Variants in ARHGEF4 observed in about 807,000 individuals in gnomAD.
ARHGEF4 encodes Rho guanine nucleotide exchange factor 4, also known as APC-stimulated guanine nucleotide exchange factor 1.
In ARHGEF4, 119 loss-of-function variants were observed where a neutral mutation model predicts 162.0. The ratio of observed to expected loss-of-function variants is 0.73; its 90% CI spans 0.63 to 0.86. ARHGEF4 has a LOEUF of 0.86. Among genes scored for constraint, ARHGEF4 ranks in the 40% least tolerant of loss-of-function variants. The pLI is 0.00. For synonymous variants in ARHGEF4, 1,014 were observed against 979.9 expected (o/e 1.03, Z -0.65); for missense variants, 2,488 against 2,456.0 (o/e 1.01, Z -0.28).
chr2:130,901,295 C>A (rs1680473907), intron 1 of ARHGEF4, among the ~76,000 whole-genome samples: 1 of 152,100 alleles, frequency 6.6e-6, no homozygotes, highest in Non-Finnish European at 1.5e-5. Context: ...CGTTGGCTTG[C>A]CTGAGTTGTA....
chr2:130,973,643 A>T (rs1488899522), intron 4 of ARHGEF4, among the ~76,000 whole-genome samples: 1 of 152,224 alleles, frequency 6.6e-6, no homozygotes, highest in Admixed American at 6.5e-5. Flanking sequence ...GGAGCTTCCC[A>T]TACAGCATAA....
intron 1 of ARHGEF4, among the ~76,000 whole-genome samples, chr2:130,870,987 G>A (rs556907455): frequency 9.2e-5 from 14 of 152,160 alleles, no homozygotes; most frequent in South Asian, 2.1e-4. Context: ...TAGGTAAGCC[G>A]TGGTGAACAT....
At chr2:130,873,587 C>CAA (rs397868918) in intron 1 of ARHGEF4, among the ~76,000 whole-genome samples, 126 of 107,966 alleles carry the variant, frequency 1.2e-3, no homozygotes, top group African/African-American at 3.4e-3. Flanking sequence ...AACTCCATCT[C>CAA]AAAAAAAAAA....
intron 4 of ARHGEF4, among the ~76,000 whole-genome samples, chr2:131,004,990 T>C (rs1208595174): frequency 6.6e-6 from 1 of 152,102 alleles, no homozygotes; most frequent in African/African-American, 2.4e-5. Context: ...GCCCTGGGGC[T>C]TTCTGTGAGA....
chr2:131,023,665 G>A (rs761557349), intron 4 of ARHGEF4, among the ~76,000 whole-genome samples: 1 of 152,244 alleles, frequency 6.6e-6, no homozygotes, highest in Non-Finnish European at 1.5e-5. Context: ...TAATAGGAAC[G>A]TAAAATAGCA....
intron 5 of ARHGEF4, chr2:131,035,600 T>G (rs1690215104): frequency 2.1e-6 from 2 of 947,274 alleles, no homozygotes; most frequent in African/African-American, 3.5e-5. Context: ...ATGTGACCGC[T>G]GGGTGAGCGA....
intron 1 of ARHGEF4, among the ~76,000 whole-genome samples, chr2:130,845,169 C>A (rs1331569006): frequency 6.6e-6 from 1 of 150,970 alleles, no homozygotes; most frequent in Non-Finnish European, 1.5e-5. Flanking sequence ...ATCTCTGAAA[C>A]TTGGCCAAGT....
rs767316127 is a variant in ARHGEF4, at chr2:130,915,703, T to A, written c.1757T>A (p.Leu586His). ...PNYREQALQG[L>H]SEFKAATVSH... is the part of the protein sequence containing the mutation. ...TACAGGGAACAGGCTTTGCAAGGTC[T>A]TTCAGAATTCAAGGCAGCCACGGTG... Residue 586 changes from leucine to histidine, a missense_variant, in exon 2 of 14, where the codon CTT becomes CAT. Leu to His is a moderately conservative substitution (Grantham distance 99). This residue lies in a region of ARHGEF4 where 1,642 missense variants were observed against 1,481.5 expected (regional missense o/e 1.11). Transcript: ENST00000409359. 16 of 1,550,230 alleles carry A rather than the reference T, an allele frequency of 1.0e-5. No individual in the cohort carries two copies. In the South Asian group the frequency reaches 1.7e-4, roughly 16 times the overall value.
chr2:130,894,815 C>T (rs1680061574), intron 1 of ARHGEF4, among the ~76,000 whole-genome samples: 1 of 152,094 alleles, frequency 6.6e-6, no homozygotes, highest in African/African-American at 2.4e-5. Context: ...TCTAGGCAGT[C>T]TAGGCATGGC....
chr2:131,021,581 A>G (rs868305376), intron 4 of ARHGEF4, among the ~76,000 whole-genome samples: 2 of 152,226 alleles, frequency 1.3e-5, no homozygotes, highest in Non-Finnish European at 1.5e-5. Context: ...CAAGGACTTC[A>G]TGACTAAAAC....
At chr2:130,893,505 C>T (rs1392494226) in intron 1 of ARHGEF4, among the ~76,000 whole-genome samples, 1 of 152,212 alleles carries the variant, frequency 6.6e-6, no homozygotes, top group Non-Finnish European at 1.5e-5. Context: ...GTCCTTGATC[C>T]TGTGCCTGCC....
At chr2:131,009,062 C>T (rs1688296285) in intron 4 of ARHGEF4, among the ~76,000 whole-genome samples, 1 of 152,226 alleles carries the variant, frequency 6.6e-6, no homozygotes, top group Non-Finnish European at 1.5e-5. Flanking sequence ...AGCAACTTCA[C>T]TTAATGTTTC....
intron 2 of ARHGEF4, among the ~76,000 whole-genome samples, chr2:130,922,923 G>GATATATATATAT (rs60528259): frequency 3.0e-3 from 442 of 145,550 alleles, no homozygotes; most frequent in Admixed American, 6.2e-3. Flanking sequence ...CCTCTTTAAT[G>GATATATATATAT]ATATATATAT....
In ARHGEF4 at chr2:130,915,537, G is replaced by A. The variant is rs1366096992; in HGVS notation, c.1591G>A (p.Glu531Lys). Residue 531 changes from glutamate (E) to lysine (K), a missense_variant, in exon 2 of 14, where the codon GAG becomes AAG. This residue lies in a region of ARHGEF4 where 1,642 missense variants were observed against 1,481.5 expected (regional missense o/e 1.11). Transcript: ENST00000409359. ...CAAGTTCCCACGGCAGCCTAGCAGT[G>A]AGGGGACCCAGGTGTGGAGTGGAGA... Reference protein sequence around the residue: ...RAKFPRQPSSEGTQVWSGDLM... With the variant: ...RAKFPRQPSSKGTQVWSGDLM... The A allele has an allele frequency of 5.8e-6, 9 of 1,550,598 alleles. No individual in the cohort carries two copies. In the Admixed American group the frequency reaches 5.9e-5, roughly 10 times the overall value.
chr2:131,011,824 C>CAG, intron 4 of ARHGEF4: 1 of 744,490 alleles, frequency 1.3e-6, no homozygotes, highest in Non-Finnish European at 2.4e-6. Flanking sequence ...GGGTATTGTG[C>CAG]AGAGGGAAGA....
At chr2:130,874,795 C>T (rs920461713) in intron 1 of ARHGEF4, among the ~76,000 whole-genome samples, 3 of 152,156 alleles carry the variant, frequency 2.0e-5, no homozygotes, top group East Asian at 1.9e-4. Flanking sequence ...CATCTTTCAC[C>T]GCTGACAACC....
At chr2:130,922,612 C>T (rs1019212507) in intron 2 of ARHGEF4, among the ~76,000 whole-genome samples, 2 of 152,104 alleles carry the variant, frequency 1.3e-5, no homozygotes, top group Non-Finnish European at 2.9e-5. Context: ...AGGTATGTGG[C>T]ATTTTATGAC....
intron 4 of ARHGEF4, among the ~76,000 whole-genome samples, chr2:130,957,880 G>C (rs532967155): frequency 6.6e-5 from 10 of 152,112 alleles, no homozygotes; most frequent in African/African-American, 2.2e-4. Context: ...CCCTAACTGT[G>C]AGAAATAAAT....
At chr2:130,840,467 C>T (rs1680531311) in intron 1 of ARHGEF4, among the ~76,000 whole-genome samples, 1 of 152,180 alleles carries the variant, frequency 6.6e-6, no homozygotes, top group Admixed American at 6.5e-5. Flanking sequence ...GTTTCTCAGT[C>T]TCCAGGGATG....
Sources: allele counts gnomAD v4.1 joint callset (sites outside exome capture counted in the v4.1 genomes callset), GRCh38; gene constraint gnomAD v4.1.1; regional missense constraint gnomAD v4.1.1; transcripts MANE v1.5; gene names NCBI Gene and HGNC (gene_info 2026-07-23, HGNC 2026-07-21).